GBP7: variants seen among roughly 807,000 people sequenced by gnomAD.
GBP7 encodes the protein guanylate binding protein 7.
A neutral mutation model predicts 61.3 loss-of-function variants in GBP7; 43 were observed. The observed-to-expected ratio is 0.70, with a 90% confidence interval of 0.55 to 0.91. The LOEUF is 0.91. GBP7 is among the 40% of genes least tolerant of loss of function. The pLI is 0.00. For missense variants in GBP7, 717 were observed against 740.5 expected (o/e 0.97, Z 0.37); for synonymous variants, 267 against 271.0 (o/e 0.99, Z 0.14).
chr1:89,164,117 G>A lies in GBP7; in HGVS notation c.318+614C>T, dbSNP rs138646836. Among the ~76,000 whole-genome samples the A allele has an allele frequency of 9.2e-5, 14 of 152,228 alleles. No homozygotes were observed. The East Asian group carries it at 1.2e-3, about 13-fold the overall frequency. On this transcript the variant is annotated intron_variant, in intron 3 of 10. Coordinates refer to ENST00000294671, the MANE Select transcript of GBP7 (RefSeq NM_207398.3). Reference sequence around the variant, plus strand: ...ACTTCTGACCTCAGATGGTCCACCCGCCTCGGCCTTGCAAAGTGTTGGGAT... The same window carrying A: ...ACTTCTGACCTCAGATGGTCCACCCACCTCGGCCTTGCAAAGTGTTGGGAT...
Position 89,152,790 on chromosome 1 carries a change from A to G in GBP7, c.319-13T>C, listed in dbSNP as rs771451038. 2 of 102,002 alleles carry G rather than the reference A, an allele frequency of 2.0e-5. No homozygotes were observed. Among genetic ancestry groups the G allele is most frequent in the South Asian group, 2.9e-4 (2 of 6,872 alleles). 6.3% of individuals were successfully genotyped at this position (102,002 alleles called of 1,614,324 possible). On this transcript the variant is annotated splice_polypyrimidine_tract_variant and intron_variant, in intron 3 of 10. Coordinates refer to ENST00000294671, the MANE Select transcript of GBP7 (RefSeq NM_207398.3). ...TCTTAGGGTCACTCTAGTGTTAAAG[A>G]AAAAAAAAAAAAAAATGGAAGCCAC...
intron 3 of GBP7, among the ~76,000 whole-genome samples, chr1:89,155,904 G>A (rs1326951829): frequency 1.3e-5 from 2 of 152,176 alleles, no homozygotes; most frequent in Admixed American, 6.5e-5. Context: ...ACACATAATT[G>A]TCAGATTCAC....
chr1:89,161,291 TA>T (rs1245450781), intron 3 of GBP7, among the ~76,000 whole-genome samples: 1 of 152,242 alleles, frequency 6.6e-6, no homozygotes, highest in Non-Finnish European at 1.5e-5. Context: ...ACATACCCAG[TA>T]ATGGCATTGC....
At chr1:89,157,821 C>G (rs1682351312) in intron 3 of GBP7, among the ~76,000 whole-genome samples, 1 of 152,000 alleles carries the variant, frequency 6.6e-6, no homozygotes, top group Non-Finnish European at 1.5e-5. Context: ...CTATTCCAAT[C>G]AGTAGAAAAA....
At chr1:89,158,015 G>T (rs941003767) in intron 3 of GBP7, among the ~76,000 whole-genome samples, 1 of 152,138 alleles carries the variant, frequency 6.6e-6, no homozygotes, top group African/African-American at 2.4e-5. Context: ...TATCCACCAC[G>T]ATCAAGTTGG....
In GBP7 at chr1:89,142,515, C is replaced by T. The variant is rs368171228; in HGVS notation, c.1366-867G>A. 7.9e-5 allele frequency among the ~76,000 whole-genome samples: 12 copies of T among 152,130 alleles called. 1 individual carries two copies. The highest frequency in any genetic ancestry group is 7.7e-4 in the East Asian group (4 of 5,202). ...ATCCTCCTACCTTGGCCTTCCAAAG[C>T]GTTGGGATTATAGGTGTGAGCCACT... On this transcript the variant is annotated intron_variant, in intron 8 of 10. Coordinates refer to ENST00000294671, the MANE Select transcript of GBP7 (RefSeq NM_207398.3).
chr1:89,144,517 C>T (rs1374202973), intron 8 of GBP7, among the ~76,000 whole-genome samples: 2 of 152,078 alleles, frequency 1.3e-5, no homozygotes, highest in South Asian at 2.1e-4. Flanking sequence ...ATAAGCGTTC[C>T]CTTTTCTCTA....
chr1:89,171,383 TAA>T (rs1408536441), intron 2 of GBP7, among the ~76,000 whole-genome samples: 3 of 152,124 alleles, frequency 2.0e-5, no homozygotes, highest in African/African-American at 7.2e-5. Flanking sequence ...ATAGTGACCT[TAA>T]TTACAAAAAA....
At chr1:89,149,856 GA>G (rs59262730) in intron 6 of GBP7, among the ~76,000 whole-genome samples, 6,940 of 144,128 alleles carry the variant, frequency 0.048, 224 homozygotes, top group South Asian at 0.15. Context: ...AGGGTTTCTT[GA>G]AAAAAAAAAA....
chr1:89,153,980 G>A (rs1407563374), intron 3 of GBP7, among the ~76,000 whole-genome samples: 1 of 152,202 alleles, frequency 6.6e-6, no homozygotes, highest in African/African-American at 2.4e-5. Flanking sequence ...ACATTACAGA[G>A]TTATTTAATT....
chr1:89,160,113 A>C (rs1051019280), intron 3 of GBP7, among the ~76,000 whole-genome samples: 11 of 152,214 alleles, frequency 7.2e-5, no homozygotes, highest in Non-Finnish European at 1.6e-4. Context: ...TCACAAGGTC[A>C]GAAAAGCAAA....
At chr1:89,163,523 C>T (rs1299436213) in intron 3 of GBP7, among the ~76,000 whole-genome samples, 1 of 151,742 alleles carries the variant, frequency 6.6e-6, no homozygotes, top group Non-Finnish European at 1.5e-5. Context: ...ACAAATTTGT[C>T]CATTTTGTGT....
intron 1 of GBP7, among the ~76,000 whole-genome samples, chr1:89,174,109 T>C (rs1647674828): frequency 6.6e-6 from 1 of 152,254 alleles, no homozygotes; most frequent in Non-Finnish European, 1.5e-5. Flanking sequence ...TACTCCTTTA[T>C]GTGGATTATA....
chr1:89,138,916 T>C (rs1681873218), intron 9 of GBP7, among the ~76,000 whole-genome samples: 1 of 152,026 alleles, frequency 6.6e-6, no homozygotes. Flanking sequence ...GGAGAAAATA[T>C]CTGCAAACTA....
At chr1:89,133,980 C>T (rs1268238280) in intron 9 of GBP7, among the ~76,000 whole-genome samples, 1 of 152,142 alleles carries the variant, frequency 6.6e-6, no homozygotes, top group African/African-American at 2.4e-5. Flanking sequence ...CTTTTGTCGA[C>T]TATTGGTCCT....
rs116209253 is a variant in GBP7, at chr1:89,169,442, G to A, written c.190+2304C>T. On this transcript the variant is annotated intron_variant, in intron 2 of 10. Coordinates refer to ENST00000294671, the MANE Select transcript of GBP7 (RefSeq NM_207398.3). ...CTGCAAACAAAGAAACCTTATCTTGGTAATAACTGGAACGACTAGAGGAGA... is the reference window on the plus strand; with the variant it reads ...CTGCAAACAAAGAAACCTTATCTTGATAATAACTGGAACGACTAGAGGAGA... Among the ~76,000 whole-genome samples, 790 of 152,252 alleles carry A rather than the reference G, an allele frequency of 5.2e-3. 4 individuals are homozygous for A. Among genetic ancestry groups the A allele is most frequent in the Non-Finnish European group, 8.3e-3 (566 of 68,014 alleles).
At chr1:89,163,688 G>A (rs1371590225) in intron 3 of GBP7, among the ~76,000 whole-genome samples, 1 of 151,102 alleles carries the variant, frequency 6.6e-6, no homozygotes, top group Non-Finnish European at 1.5e-5. Context: ...ATACTATAAA[G>A]CAAAATTATC....
intron 3 of GBP7, among the ~76,000 whole-genome samples, chr1:89,153,707 G>A (rs1290101348): frequency 6.6e-6 from 1 of 151,998 alleles, no homozygotes; most frequent in Non-Finnish European, 1.5e-5. Context: ...GCCAGGAGTG[G>A]AACAAAAGTC....
chr1:89,170,678 A>G (rs1385901867), intron 2 of GBP7, among the ~76,000 whole-genome samples: 3 of 152,214 alleles, frequency 2.0e-5, no homozygotes, highest in Non-Finnish European at 4.4e-5. Context: ...CAGAAGCAAA[A>G]TGGAGTCACT....
Sources: gnomAD v4.1 joint callset for allele counts (sites outside exome capture counted in the v4.1 genomes callset) on GRCh38, gnomAD v4.1.1 for gene constraint, MANE v1.5 for transcripts, NCBI Gene and HGNC (gene_info 2026-07-23, HGNC 2026-07-21) for gene names.